CC2D2B: variants seen among roughly 807,000 people sequenced by gnomAD.
The protein encoded by CC2D2B is protein CC2D2B.
CC2D2B carries 128 observed loss-of-function variants against 161.2 expected under a neutral mutation model. That is an observed-to-expected ratio of 0.79 (90% CI 0.69 to 0.92). The LOEUF is 0.92. Ranked by LOEUF, CC2D2B falls within the 40% of genes least tolerant of loss-of-function variation. The pLI is 0.00. For synonymous variants in CC2D2B, 391 were observed against 449.8 expected, an observed-to-expected ratio of 0.87 and a Z score of 1.65; for missense variants, 1,173 against 1,375.1, an observed-to-expected ratio of 0.85 and a Z score of 2.32.
intron 2 of CC2D2B, chr10:95,920,871 A>G (rs1412125977): frequency 1.3e-5 from 2 of 151,970 alleles, no homozygotes; most frequent in Non-Finnish European, 2.9e-5. Context: ...GGGCTTTAGG[A>G]CTCTGCTTGG....
Position 96,032,629 on chromosome 10 carries a change from A to G in CC2D2B, c.*621A>G. On this transcript the variant is annotated 3_prime_UTR_variant, in exon 35 of 35. Coordinates refer to ENST00000646931, the MANE Select transcript of CC2D2B (RefSeq NM_001349008.3). ...ACTAAGGTCATTGCCTCTCATGGAT[A>G]AAATGTTATTTCACTGGTAAAGAAA... is the stretch of plus-strand genomic sequence containing the variant. The G allele has an allele frequency of 2.8e-6, 1 of 352,430 alleles. No homozygotes were observed. The highest frequency in any genetic ancestry group is 5.8e-6 in the Non-Finnish European group (1 of 171,610). 21.8% of individuals were successfully genotyped at this position (352,430 alleles called of 1,614,324 possible).
rs1233505912 is a variant in CC2D2B at position 95,965,909 on chromosome 10, A to C, written c.1264A>C (p.Lys422Gln). Residue 422 changes from lysine to glutamine, a missense_variant, in exon 13 of 35, where the codon AAA (lysine) becomes CAA (glutamine). Physicochemically the swap from Lys to Gln is moderately conservative, Grantham distance 53. This residue lies in a region of CC2D2B where 277 missense variants were observed against 420.6 expected (regional missense o/e 0.66). Transcript: ENST00000646931. ...KLQVQRIKMN[K>Q]CDEQEQISEM... ...ATTATTAATTAGGATTAAAATGAAT[A>C]AATGTGATGAACAAGAGCAAATCTC... is the stretch of plus-strand genomic sequence containing the variant. 8.5e-7 allele frequency: 1 copy of C among 1,174,416 alleles called. No individual in the cohort carries two copies. Among genetic ancestry groups the C allele is most frequent in the Non-Finnish European group, 1.1e-6 (1 of 935,804 alleles). 72.7% of individuals were successfully genotyped at this position (1,174,416 alleles called of 1,614,324 possible).
rs2079650124 is a variant in CC2D2B at position 96,025,157 on chromosome 10, ATATATATATATAT to A, written c.3947+247_3947+259del. ...GACGTCATCTCTACTAAAAAAAAAT[ATATATATATATAT>A]ATATATATATATATAAAAAAAAATA... is the stretch of plus-strand genomic sequence containing the variant. On this transcript the variant is annotated intron_variant, in intron 33 of 34. Coordinates refer to ENST00000646931, the MANE Select transcript of CC2D2B (RefSeq NM_001349008.3). 5.0e-3 allele frequency among the ~76,000 whole-genome samples: 155 copies of A among 30,876 alleles called. 3 individuals carry two copies. The highest frequency in any genetic ancestry group is 0.015 in the African/African-American group (60 of 3,996). 20.3% of individuals were successfully genotyped at this position (30,876 alleles called of 152,430 possible). A position where few individuals can be genotyped will look rare whatever the true frequency, so the allele number is the denominator to read the frequency against.
chr10:95,972,301 A>T lies in CC2D2B; in HGVS notation c.1795+85A>T, dbSNP rs560710709. The T allele has an allele frequency of 2.0e-5, 17 of 829,402 alleles. No individual in the cohort carries two copies. In the African/African-American group the frequency reaches 3.0e-4, roughly 15 times the overall value. 51.4% of individuals were successfully genotyped at this position (829,402 alleles called of 1,614,324 possible). On this transcript the variant is annotated intron_variant, in intron 16 of 34. Coordinates refer to ENST00000646931, the MANE Select transcript of CC2D2B (RefSeq NM_001349008.3). Reference sequence around the variant, plus strand: ...GTGACCCTGGCTCACTCACATAAGTACAAAATCCTGTATTTACAATATTCT... The same window carrying T: ...GTGACCCTGGCTCACTCACATAAGTTCAAAATCCTGTATTTACAATATTCT...
chr10:95,971,873 G>A (rs1229425871), intron 15 of CC2D2B, among the ~76,000 whole-genome samples, 193 bp from the exon 16 acceptor site: 1 of 152,048 alleles, frequency 6.6e-6, no homozygotes, highest in Admixed American at 6.6e-5. Context: ...TTTCTATGGA[G>A]CCAGTAAAAG....
intron 24 of CC2D2B, among the ~76,000 whole-genome samples, chr10:95,999,271 G>C (rs2078364882): frequency 6.6e-6 from 1 of 152,094 alleles, no homozygotes; most frequent in Non-Finnish European, 1.5e-5. Flanking sequence ...TGCCTGTCAA[G>C]TTTTCTCCAT....
chr10:95,992,468 G>T, intron 21 of CC2D2B, 59 bp from the exon 22 acceptor site: 1 of 1,167,922 alleles, frequency 8.6e-7, no homozygotes, highest in Non-Finnish European at 1.1e-6. Context: ...TCAAAAGACT[G>T]TTATCTTTTA....
rs187629798 is a variant in CC2D2B at position 96,006,100 on chromosome 10, G to A, written c.2946+1852G>A. On this transcript the variant is annotated intron_variant, in intron 25 of 34. Transcript: ENST00000646931. ...ATTGTTTTTACTTTTCACTTTTTTG[G>A]TTTTCTAATTCATTTATTTCCACTT... is the stretch of plus-strand genomic sequence containing the variant. 1.1e-4 allele frequency among the ~76,000 whole-genome samples: 16 copies of A among 151,510 alleles called. No individual in the cohort carries two copies. The East Asian group carries it at 3.1e-3, about 29-fold the overall frequency.
At chr10:96,015,523 T>C (rs2079160653) in intron 29 of CC2D2B, among the ~76,000 whole-genome samples, 1 of 151,960 alleles carries the variant, frequency 6.6e-6, no homozygotes, top group South Asian at 2.1e-4. Context: ...AAATGTTCTC[T>C]CTTTTTTTGA....
intron 17 of CC2D2B, among the ~76,000 whole-genome samples, chr10:95,978,970 C>T (rs919628505): frequency 4.6e-5 from 7 of 152,078 alleles, no homozygotes; most frequent in Non-Finnish European, 8.8e-5. Context: ...GCTTTTACAT[C>T]GTAAGCATAC....
At chr10:95,908,645 G>A (rs1590274117) in intron 1 of CC2D2B, among the ~76,000 whole-genome samples, 4 of 152,018 alleles carry the variant, frequency 2.6e-5, no homozygotes, top group Admixed American at 2.6e-4. Context: ...TGGTCACTGC[G>A]GCTTAGATGG....
rs186424689 is a variant in CC2D2B at position 96,027,048 on chromosome 10, G to A, written c.3948-164G>A. Among the ~76,000 whole-genome samples the A allele has an allele frequency of 1.4e-4, 21 of 152,160 alleles. No homozygotes were observed. The East Asian group carries it at 3.5e-3, about 25-fold the overall frequency. ...TGAGGCAGGAGAATCACTTGAACCC[G>A]GGAGGCAGAGGTTTCAGTGAGCCAA... On this transcript the variant is annotated intron_variant, in intron 33 of 34. Transcript: ENST00000646931.
chr10:95,942,434 G>A (rs2076055155), intron 9 of CC2D2B, among the ~76,000 whole-genome samples: 1 of 151,926 alleles, frequency 6.6e-6, no homozygotes, highest in African/African-American at 2.4e-5. Context: ...CTATTGACCT[G>A]TCTTAACCAT....
intron 23 of CC2D2B, 22 bp downstream of exon 23, chr10:95,995,387 A>G (rs1253096762): frequency 1.8e-6 from 2 of 1,139,278 alleles, no homozygotes; most frequent in East Asian, 5.2e-5. Flanking sequence ...ACACTTCTAT[A>G]AAGTATAATA....
intron 6 of CC2D2B, among the ~76,000 whole-genome samples, chr10:95,933,387 T>G (rs2075682694): frequency 1.3e-5 from 2 of 152,176 alleles, no homozygotes; most frequent in Admixed American, 1.3e-4. Context: ...CTTCTGTCAA[T>G]TCATCAAACT....
At chr10:95,928,100 C>A (rs974010919) in intron 6 of CC2D2B, among the ~76,000 whole-genome samples, 1 of 152,112 alleles carries the variant, frequency 6.6e-6, no homozygotes, top group Non-Finnish European at 1.5e-5. Context: ...TCCCTCAGGT[C>A]CCCCTGTCAA....
At chr10:96,030,411 G>C (rs532194263) in intron 34 of CC2D2B, among the ~76,000 whole-genome samples, 3 of 151,932 alleles carry the variant, frequency 2.0e-5, no homozygotes, top group Non-Finnish European at 4.4e-5. Context: ...GAAAACCTCA[G>C]CCTCCCAAGA....
intron 1 of CC2D2B, among the ~76,000 whole-genome samples, 161 bp downstream of exon 1, chr10:95,908,218 A>T (rs2141073465): frequency 6.6e-6 from 1 of 152,286 alleles, no homozygotes; most frequent in Admixed American, 6.5e-5. Context: ...GGCCTGGCCG[A>T]CCGGTTTGTT....
At chr10:95,983,447 A>ATTTTGTTGTG (rs112573080) in intron 18 of CC2D2B, among the ~76,000 whole-genome samples, 159 bp from the exon 19 acceptor site, 1 of 151,270 alleles carries the variant, frequency 6.6e-6, no homozygotes, top group African/African-American at 2.4e-5. Context: ...GCTGGATTCT[A>ATTTTGTTGTG]TTTTGTTTTG....
Sources: gnomAD v4.1 joint callset for allele counts (sites outside exome capture counted in the v4.1 genomes callset) on GRCh38, gnomAD v4.1.1 for gene constraint, gnomAD v4.1.1 regional missense constraint, MANE v1.5 for transcripts, NCBI Gene and HGNC (gene_info 2026-07-23, HGNC 2026-07-21) for gene names.